TXNRD1: variants seen among roughly 807,000 people sequenced by gnomAD.
TXNRD1 encodes thioredoxin reductase 1, cytoplasmic.
A neutral mutation model predicts 80.3 loss-of-function variants in TXNRD1; 57 were observed. That is an observed-to-expected ratio of 0.71 (90% CI 0.57 to 0.89). The LOEUF (loss-of-function observed/expected upper bound fraction) is 0.89, where lower values mean the gene tolerates loss of function less well. Among genes scored for constraint, TXNRD1 ranks in the 40% least tolerant of loss-of-function variants. TXNRD1 has a pLI of 0.00. For synonymous variants in TXNRD1, 291 were observed against 285.2 expected, an observed-to-expected ratio of 1.02 and a Z score of -0.20; for missense variants, 730 against 803.0, an observed-to-expected ratio of 0.91 and a Z score of 1.10.
At chr12:104,290,864 C>T in intron 4 of TXNRD1, 1 of 507,392 alleles carries the variant, frequency 2.0e-6, no homozygotes, top group Non-Finnish European at 3.5e-6. Flanking sequence ...TACTGATACT[C>T]CTGGTTTTAA....
chr12:104,320,156 G>T (rs1328451273), intron 9 of TXNRD1, among the ~76,000 whole-genome samples: 1 of 152,168 alleles, frequency 6.6e-6, no homozygotes, highest in South Asian at 2.1e-4. Flanking sequence ...ATTTTTGCCC[G>T]TCAAATGGTA....
At chr12:104,245,143 G>C (rs907523376) in intron 1 of TXNRD1, among the ~76,000 whole-genome samples, 3 of 152,102 alleles carry the variant, frequency 2.0e-5, no homozygotes, top group Non-Finnish European at 4.4e-5. Flanking sequence ...CTAAGAGAAG[G>C]CTAGGAGGTA....
intron 1 of TXNRD1, among the ~76,000 whole-genome samples, chr12:104,246,069 C>A (rs1357088772): frequency 4.2e-5 from 6 of 144,158 alleles, no homozygotes; most frequent in Non-Finnish European, 9.0e-5. Context: ...GCTGAGATCG[C>A]GCCGCTGCAC....
Position 104,283,400 on chromosome 12 carries a change from C to T in TXNRD1, c.305-5531C>T, listed in dbSNP as rs530488205. Among the ~76,000 whole-genome samples, 136 of 152,128 alleles carry T rather than the reference C, an allele frequency of 8.9e-4. No homozygotes were observed. In the Middle Eastern group the frequency reaches 0.017, roughly 19 times the overall value. ...CTGAGTAGCTGAGATTACAGGCGCC[C>T]ACCACCATGCCCAGCTAATTTTTGT... On this transcript the variant is annotated intron_variant, in intron 3 of 16. Transcript: ENST00000525566.
intron 4 of TXNRD1, among the ~76,000 whole-genome samples, chr12:104,293,595 C>G (rs965134445): frequency 6.6e-6 from 1 of 152,134 alleles, no homozygotes; most frequent in Non-Finnish European, 1.5e-5. Flanking sequence ...GAACTACAAG[C>G]GCACACCACC....
At position 104,315,888 on chromosome 12, in the gene TXNRD1, AG is replaced by A. The variant is rs1565898021; in HGVS notation, c.724del (p.Glu242ArgfsTer10). The part of the protein sequence containing the change: ...QDSRNYGWKV[E>X]ETVKHDWDRM... ...TCTCGAAATTATGGATGGAAAGTCG[AG>A]GAGACAGGTATGAGAGGGAAAAGCT... On this transcript the variant is annotated frameshift_variant, in exon 7 of 17. Coordinates refer to ENST00000525566, the MANE Select transcript of TXNRD1 (RefSeq NM_001093771.3). LOFTEE classifies it high-confidence loss of function. 1.2e-6 allele frequency: 2 copies of A among 1,610,698 alleles called. No individual in the cohort carries two copies. The highest frequency in any genetic ancestry group is 1.7e-6 in the Non-Finnish European group (2 of 1,177,798).
chr12:104,310,847 T>G (rs1182840741), intron 4 of TXNRD1, among the ~76,000 whole-genome samples: 1 of 152,240 alleles, frequency 6.6e-6, no homozygotes, highest in African/African-American at 2.4e-5. Flanking sequence ...GTTCTGAATT[T>G]TTAGATGTTA....
intron 3 of TXNRD1, among the ~76,000 whole-genome samples, chr12:104,268,249 C>T (rs1429464221): frequency 1.3e-5 from 2 of 150,966 alleles, no homozygotes; most frequent in African/African-American, 2.4e-5. Flanking sequence ...CGGTGGCTCA[C>T]GCCTGTAATC....
chr12:104,295,347 T>C (rs1239141254), intron 4 of TXNRD1, among the ~76,000 whole-genome samples: 1 of 152,176 alleles, frequency 6.6e-6, no homozygotes, highest in Non-Finnish European at 1.5e-5. Context: ...TGCCCCTATT[T>C]ACTTTTGCCT....
chr12:104,301,376 C>CAGA (rs2034620309), intron 4 of TXNRD1, among the ~76,000 whole-genome samples: 42 of 151,864 alleles, frequency 2.8e-4, no homozygotes, highest in Admixed American at 2.4e-3. Flanking sequence ...CTCGCTCTGT[C>CAGA]GCCCAGGCTG....
chr12:104,273,463 C>T (rs977867489), intron 3 of TXNRD1, among the ~76,000 whole-genome samples: 6 of 151,840 alleles, frequency 4.0e-5, no homozygotes, highest in South Asian at 2.1e-4. Flanking sequence ...CATGGTGGTG[C>T]GCGCCTATAG....
chr12:104,326,372 C>A lies in TXNRD1; in HGVS notation c.1334C>A (p.Ala445Asp). ...GTGATGCTGGCAATAGGAAGAGATG[C>A]TTGCACAAGAAAAATTGGCTTAGAA... Reference protein sequence around the residue: ...NTVMLAIGRDACTRKIGLETV... With the variant: ...NTVMLAIGRDDCTRKIGLETV... Residue 445 changes from alanine to aspartate, a missense_variant, in exon 12 of 17, where the codon GCT becomes GAT. Coordinates refer to ENST00000525566, the MANE Select transcript of TXNRD1 (RefSeq NM_001093771.3). 6.3e-7 allele frequency: 1 copy of A among 1,593,334 alleles called. No individual in the cohort carries two copies. Among genetic ancestry groups the A allele is most frequent in the Admixed American group, 1.8e-5 (1 of 57,036 alleles).
At chr12:104,230,654 GGTTTT>G (rs551813643) in intron 1 of TXNRD1, among the ~76,000 whole-genome samples, 2 of 152,012 alleles carry the variant, frequency 1.3e-5, no homozygotes, top group African/African-American at 2.4e-5. Flanking sequence ...TTTTTAATTG[GGTTTT>G]GTTTTGTTTT....
intron 10 of TXNRD1, 136 bp from the exon 11 acceptor site, chr12:104,325,201 A>G: frequency 1.5e-6 from 1 of 650,824 alleles, no homozygotes; most frequent in East Asian, 2.8e-5. Context: ...ATGTTAAGTG[A>G]GGGAGATGGG....
chr12:104,336,642 G>T (rs1407554357), intron 15 of TXNRD1, among the ~76,000 whole-genome samples: 1 of 152,066 alleles, frequency 6.6e-6, no homozygotes, highest in Non-Finnish European at 1.5e-5. Flanking sequence ...TAACATTTTT[G>T]CTGTATTTGT....
chr12:104,267,493 C>T lies in TXNRD1; in HGVS notation c.304+9414C>T, dbSNP rs529188862. On this transcript the variant is annotated intron_variant, in intron 3 of 16. Transcript: ENST00000525566. The stretch of plus-strand genomic sequence containing the variant: ...GAGTCTCATGAGCCACCATGCCCAG[C>T]CTGCCTTACTTCTTCCTTTCCTTCT... 5.9e-5 allele frequency among the ~76,000 whole-genome samples: 9 copies of T among 151,652 alleles called. No homozygotes were observed. The South Asian group carries it at 1.9e-3, about 32-fold the overall frequency.
intron 6 of TXNRD1, among the ~76,000 whole-genome samples, chr12:104,314,738 CTTTTTTTTTTTT>C (rs11330431): frequency 1.9e-5 from 2 of 103,666 alleles, no homozygotes; most frequent in Admixed American, 2.1e-4. Context: ...AAATTTTTTT[CTTTTTTTTTTTT>C]TTTTTTTTTG....
rs1030903501 is a variant in TXNRD1 at position 104,258,098 on chromosome 12, T to G, written c.304+19T>G. 2.7e-6 allele frequency: 4 copies of G among 1,502,348 alleles called. No homozygotes were observed. The highest frequency in any genetic ancestry group is 2.7e-6 in the Non-Finnish European group (3 of 1,103,360). 93.1% of individuals were successfully genotyped at this position (1,502,348 alleles called of 1,614,324 possible). On this transcript the variant is annotated intron_variant, in intron 3 of 16. Transcript: ENST00000525566. ...CAAACAGGTAAGTTTCTGTTTAATA[T>G]GTAAATCATAGCTGCTGACTGTACA... is the stretch of plus-strand genomic sequence containing the variant.
chr12:104,330,537 C>G (rs2035913200), intron 13 of TXNRD1, among the ~76,000 whole-genome samples: 1 of 152,018 alleles, frequency 6.6e-6, no homozygotes, highest in Admixed American at 6.6e-5. Context: ...CTGCATAGTG[C>G]AGTTTTACAT....
Sources: allele counts gnomAD v4.1 joint callset (sites outside exome capture counted in the v4.1 genomes callset), GRCh38; gene constraint gnomAD v4.1.1; transcripts MANE v1.5; gene names NCBI Gene and HGNC (gene_info 2026-07-23, HGNC 2026-07-21).